Variants in IPO8 observed in about 807,000 individuals in gnomAD.
IPO8 encodes the protein importin 8.
In IPO8, 65 loss-of-function variants were observed where a neutral mutation model predicts 141.2. The observed-to-expected ratio is 0.46, with a 90% confidence interval of 0.38 to 0.57. The LOEUF (loss-of-function observed/expected upper bound fraction) is 0.57. Ranked by LOEUF, IPO8 falls within the 20% of genes least tolerant of loss-of-function variation. The probability of loss-of-function intolerance (pLI) is 0.00; values close to 1 mark genes in which losing one functional copy is unlikely to be tolerated. For synonymous variants in IPO8, 411 were observed against 420.3 expected, an observed-to-expected ratio of 0.98 and a Z score of 0.27; for missense variants, 980 against 1,246.8, an observed-to-expected ratio of 0.79 and a Z score of 3.22.
chr12:30,672,697 G>A (rs1243012220), intron 8 of IPO8, among the ~76,000 whole-genome samples: 2 of 152,108 alleles, frequency 1.3e-5, no homozygotes, highest in African/African-American at 4.8e-5. Flanking sequence ...GGACAGCACT[G>A]GGAGGGGCAG....
rs376809979 is a variant in IPO8, at chr12:30,637,027, G to C, written c.2650C>G (p.Arg884Gly). 54 of 1,613,784 alleles carry C rather than the reference G, an allele frequency of 3.3e-5. No homozygotes were observed. Among genetic ancestry groups the C allele is most frequent in the Non-Finnish European group, 4.5e-5 (53 of 1,179,928 alleles). The change falls in exon 22 of 25, where the codon CGG becomes GGG. Residue 884 changes from arginine to glycine, a missense_variant. Arg to Gly is a moderately radical substitution (Grantham distance 125). Transcript: ENST00000256079. ...TTCTCTGCTTTTGAACGATCTTCCC[G>C]GTTTACCAGTTGTCTAGTAGCACAG... ...QVCATRQLVN[R>G]EDRSKAEKAD...
intron 22 of IPO8, among the ~76,000 whole-genome samples, chr12:30,636,131 A>C (rs1181133253): frequency 6.6e-6 from 1 of 152,100 alleles, no homozygotes; most frequent in Non-Finnish European, 1.5e-5. Flanking sequence ...TGTGCTGTGG[A>C]GGGGAGAAAA....
intron 20 of IPO8, among the ~76,000 whole-genome samples, chr12:30,648,898 T>G (rs1348741821): frequency 1.3e-5 from 2 of 151,826 alleles, no homozygotes; most frequent in Admixed American, 6.6e-5. Flanking sequence ...CCTTCATTAT[T>G]TTTTTGATAG....
chr12:30,675,775 C>T (rs1457000521), intron 6 of IPO8, among the ~76,000 whole-genome samples: 2 of 148,344 alleles, frequency 1.3e-5, no homozygotes, highest in Non-Finnish European at 3.0e-5. Flanking sequence ...ACCCGGGAGG[C>T]GGAGCTTGCA....
At chr12:30,691,385 G>T (rs780015657) in intron 1 of IPO8, among the ~76,000 whole-genome samples, 1 of 152,202 alleles carries the variant, frequency 6.6e-6, no homozygotes, top group African/African-American at 2.4e-5. Context: ...AGCCTGTGGG[G>T]ATGAAGCTCC....
rs1011351585 is a variant in IPO8, at chr12:30,695,135, C to T, written c.84+429G>A. 2.2e-5 allele frequency: 9 copies of T among 414,412 alleles called. No homozygotes were observed. The highest frequency in any genetic ancestry group is 3.8e-5 in the Non-Finnish European group (8 of 211,010). The allele number at this position is 414,412 out of a possible 1,614,324, so 25.7% of individuals were successfully genotyped here. A position where few individuals can be genotyped will look rare whatever the true frequency, so the allele number is the denominator to read the frequency against. ...AGGAGGAGGCGGTGGGCAGCGTGCTCCACAGCAACACCTAAAAAGGGCTGG... is the reference window on the plus strand; with the variant it reads ...AGGAGGAGGCGGTGGGCAGCGTGCTTCACAGCAACACCTAAAAAGGGCTGG... On this transcript the variant is annotated intron_variant, in intron 1 of 24. Transcript: ENST00000256079. The surrounding 1 kb of genome is among the most constrained non-coding windows in gnomAD (Gnocchi z 4.2).
At chr12:30,686,597 C>A (rs1307859967) in intron 2 of IPO8, 1 of 152,232 alleles carries the variant, frequency 6.6e-6, no homozygotes, top group Non-Finnish European at 1.5e-5. Flanking sequence ...ATCCACCCAC[C>A]TCAGCCTCCC....
intron 8 of IPO8, among the ~76,000 whole-genome samples, chr12:30,673,619 T>C (rs2053080773): frequency 6.6e-6 from 1 of 152,118 alleles, no homozygotes; most frequent in Non-Finnish European, 1.5e-5. Flanking sequence ...ATATAAGTCT[T>C]CTAAAATAAA....
intron 5 of IPO8, among the ~76,000 whole-genome samples, chr12:30,679,360 T>C (rs1755331857): frequency 6.6e-6 from 1 of 152,206 alleles, no homozygotes. Flanking sequence ...GATTCTGTCG[T>C]CTTAGCAAAC....
At chr12:30,676,654 T>C (rs2053124442) in intron 5 of IPO8, 67 bp from the exon 6 acceptor site, 1 of 1,120,098 alleles carries the variant, frequency 8.9e-7, no homozygotes, top group Non-Finnish European at 1.4e-6. Flanking sequence ...ATTTTATCTA[T>C]ATTGTAAGGC....
chr12:30,638,702 T>C (rs2052535500), intron 21 of IPO8, among the ~76,000 whole-genome samples: 1 of 152,200 alleles, frequency 6.6e-6, no homozygotes, highest in South Asian at 2.1e-4. Flanking sequence ...AGTCTCACTC[T>C]GTCGCCCAGG....
intron 20 of IPO8, among the ~76,000 whole-genome samples, chr12:30,645,635 A>G (rs1183497603): frequency 6.6e-6 from 1 of 152,152 alleles, no homozygotes; most frequent in African/African-American, 2.4e-5. Flanking sequence ...TAAGAAAAAA[A>G]GAGAGAAGAC....
At chr12:30,632,148 G>A (rs1820054942) in intron 23 of IPO8, 137 bp from the exon 24 acceptor site, 2 of 586,618 alleles carry the variant, frequency 3.4e-6, no homozygotes, top group African/African-American at 1.9e-5. Context: ...ACACACACAA[G>A]GTAATGAAAC....
intron 2 of IPO8, chr12:30,686,215 T>C (rs1286061157): frequency 6.6e-6 from 1 of 152,194 alleles, no homozygotes; most frequent in Non-Finnish European, 1.5e-5. Flanking sequence ...TTATCGGGTA[T>C]AGTCATTATA....
In IPO8 at chr12:30,652,228, T is replaced by C. The variant is rs764178704; in HGVS notation, c.2136A>G (p.Ala712=). 4 of 1,601,188 alleles carry C rather than the reference T, an allele frequency of 2.5e-6. No individual in the cohort carries two copies. Among genetic ancestry groups the C allele is most frequent in the Admixed American group, 1.7e-5 (1 of 59,718 alleles). ...TTGTAAAAAGAATTTCTAAATGTTT[T>C]GCATTTGATAGTAAGGTATCTGTAT... The part of the protein sequence containing the change: ...TIDTDTLLSN[A]KHLEILFTMC... Residue 712 remains alanine (A), a synonymous_variant, in exon 19 of 25, where the codon GCA becomes GCG. Coordinates refer to ENST00000256079, the MANE Select transcript of IPO8 (RefSeq NM_006390.4).
rs1269976924 is a variant in IPO8 at position 30,634,173 on chromosome 12, A to C, written c.2809T>G (p.Leu937Val). The change falls in exon 23 of 25, where the codon TTG (leucine) becomes GTG (valine). Residue 937 changes from leucine to valine, a missense_variant. Leu to Val is a conservative substitution (Grantham distance 32, BLOSUM62 1). Transcript: ENST00000256079. Reference protein sequence around the residue: ...EEDDDWDEEVLEETALEGFST... With the variant: ...EEDDDWDEEVVEETALEGFST... ...AACCCCTCAAGCGCGGTTTCTTCCA[A>C]TACTTCTTCATCCCAGTCATCATCT... The C allele has an allele frequency of 6.2e-7, 1 of 1,613,946 alleles. No individual in the cohort carries two copies. Among genetic ancestry groups the C allele is most frequent in the Non-Finnish European group, 8.5e-7 (1 of 1,179,902 alleles).
chr12:30,638,579 T>C (rs894212847), intron 21 of IPO8, among the ~76,000 whole-genome samples: 1 of 152,202 alleles, frequency 6.6e-6, no homozygotes, highest in Non-Finnish European at 1.5e-5. Flanking sequence ...TTAAAACAAA[T>C]TAGACAGCTA....
intron 5 of IPO8, among the ~76,000 whole-genome samples, chr12:30,678,633 A>AAT (rs1454300374): frequency 2.6e-5 from 4 of 152,174 alleles, no homozygotes; most frequent in Admixed American, 2.0e-4. Flanking sequence ...CAAAGGTAGG[A>AAT]ATAAGAGAAG....
At position 30,629,911 on chromosome 12, in the gene IPO8, T is replaced by C. The variant is rs951985953; in HGVS notation, c.*949A>G. 8 of 152,226 alleles carry C rather than the reference T, an allele frequency of 5.3e-5. No individual in the cohort carries two copies. Among genetic ancestry groups the C allele is most frequent in the African/African-American group, 1.2e-4 (5 of 41,462 alleles). 9.4% of individuals were successfully genotyped at this position (152,226 alleles called of 1,614,324 possible). On this transcript the variant is annotated 3_prime_UTR_variant, in exon 25 of 25. Coordinates refer to ENST00000256079, the MANE Select transcript of IPO8 (RefSeq NM_006390.4). ...CCCTAGTCCAACATAGCTGGAATGATAAGTTATTTAAAATACAAGTCCCCA... is the reference window on the plus strand; with the variant it reads ...CCCTAGTCCAACATAGCTGGAATGACAAGTTATTTAAAATACAAGTCCCCA...
Sources: allele counts gnomAD v4.1 joint callset (sites outside exome capture counted in the v4.1 genomes callset), GRCh38; gene constraint gnomAD v4.1.1; non-coding constraint Gnocchi (gnomAD v3.1); transcripts MANE v1.5; gene names NCBI Gene and HGNC (gene_info 2026-07-23, HGNC 2026-07-21).